The following EML4 variants were observed in gnomAD, a reference collection of about 807,000 sequenced individuals.
The protein encoded by EML4 is EMAP like 4, also known as echinoderm microtubule-associated protein-like 4.
EML4 carries 72 observed loss-of-function variants against 129.0 expected under a neutral mutation model. The observed-to-expected ratio is 0.56, with a 90% CI of 0.46 to 0.68. The LOEUF is 0.68. Among genes scored for constraint, EML4 ranks in the 30% least tolerant of loss-of-function variants. The probability of loss-of-function intolerance (pLI) is 0.00; values close to 1 mark genes in which losing one functional copy is unlikely to be tolerated. For missense variants in EML4, 1,363 were observed against 1,190.6 expected, an observed-to-expected ratio of 1.14 and a Z score of -2.13; for synonymous variants, 532 against 405.0, an observed-to-expected ratio of 1.31 and a Z score of -3.77.
chr2:42,273,427 C>A (rs1269427500), intron 6 of EML4, among the ~76,000 whole-genome samples: 3 of 152,064 alleles, frequency 2.0e-5, no homozygotes, highest in African/African-American at 7.2e-5. Context: ...AACAAAACAT[C>A]AAGAGAAATC....
intron 13 of EML4, among the ~76,000 whole-genome samples, chr2:42,296,265 G>A (rs921949728): frequency 2.8e-4 from 42 of 152,242 alleles, no homozygotes; most frequent in Admixed American, 2.6e-3. Flanking sequence ...GGAGAAGAGA[G>A]AGATTCTTAG....
intron 1 of EML4, among the ~76,000 whole-genome samples, chr2:42,200,313 A>G (rs1672150489): frequency 6.6e-6 from 1 of 152,168 alleles, no homozygotes; most frequent in Admixed American, 6.5e-5. Flanking sequence ...CGACAGAACA[A>G]GACTACGCCT....
chr2:42,195,329 G>A (rs1671835776), intron 1 of EML4, among the ~76,000 whole-genome samples: 1 of 152,060 alleles, frequency 6.6e-6, no homozygotes. Flanking sequence ...TACATTTTAA[G>A]GATACGGTAT....
rs115182685 is a variant in EML4 at position 42,310,179 on chromosome 2, C to G, written c.1967+5628C>G. Among the ~76,000 whole-genome samples the G allele has an allele frequency of 9.3e-3, 1,412 of 152,260 alleles. 24 individuals carry two copies. The highest frequency in any genetic ancestry group is 0.032 in the African/African-American group (1,312 of 41,544). The stretch of plus-strand genomic sequence containing the variant: ...TTTTCTCTGGACTTTGAATTCTGTT[C>G]CATAAATATGTATATATATCTGTGC... On this transcript the variant is annotated intron_variant, in intron 17 of 22. Coordinates refer to ENST00000318522, the MANE Select transcript of EML4 (RefSeq NM_019063.5).
chr2:42,301,134 A>G (rs1427728808), intron 13 of EML4, 107 bp from the exon 14 acceptor site: 7 of 942,270 alleles, frequency 7.4e-6, no homozygotes, highest in Non-Finnish European at 1.1e-5. Flanking sequence ...GAGTCATATG[A>G]ACTTTCTGAT....
chr2:42,268,018 A>G (rs1378026455), intron 6 of EML4, among the ~76,000 whole-genome samples: 3 of 152,220 alleles, frequency 2.0e-5, no homozygotes, highest in African/African-American at 7.2e-5. Flanking sequence ...ACCATGTATA[A>G]AATTGCTTAT....
chr2:42,198,173 G>C (rs1572525700), intron 1 of EML4, among the ~76,000 whole-genome samples: 1 of 152,144 alleles, frequency 6.6e-6, no homozygotes, highest in East Asian at 1.9e-4. Context: ...GCTCCTACCA[G>C]AACTTCTTAA....
intron 6 of EML4, among the ~76,000 whole-genome samples, chr2:42,279,461 CTTT>C (rs752973076): frequency 7.0e-6 from 1 of 142,392 alleles, no homozygotes; most frequent in Non-Finnish European, 1.5e-5. Context: ...CACTTGCCGT[CTTT>C]TTTTTTTTTT....
chr2:42,295,409 G>A lies in EML4; in HGVS notation c.1382G>A (p.Cys461Tyr). ...TATGAAAAGCCAAAATTTGTGCAGTGTTTAGCATTCTTGGGGAATGGAGAT... is the reference window on the plus strand; with the variant it reads ...TATGAAAAGCCAAAATTTGTGCAGTATTTAGCATTCTTGGGGAATGGAGAT... ...GKYEKPKFVQ[C>Y]LAFLGNGDVL... is the part of the protein sequence containing the mutation. Residue 461 changes from cysteine (C) to tyrosine (Y), a missense_variant, in exon 13 of 23, where the codon TGT becomes TAT. By Grantham distance (194) the Cys-to-Tyr change is radical. Transcript: ENST00000318522. 3.7e-6 allele frequency: 6 copies of A among 1,613,980 alleles called. No individual in the cohort carries two copies. The highest frequency in any genetic ancestry group is 5.1e-6 in the Non-Finnish European group (6 of 1,179,948).
intron 1 of EML4, chr2:42,208,196 G>A (rs1290928779): frequency 1.3e-5 from 2 of 152,074 alleles, no homozygotes; most frequent in African/African-American, 4.8e-5. Context: ...AAGGACAGTG[G>A]CCATAAGGTG....
intron 6 of EML4, among the ~76,000 whole-genome samples, chr2:42,270,986 C>T (rs1327108664): frequency 6.6e-6 from 1 of 152,164 alleles, no homozygotes. Context: ...GCCTTGACCT[C>T]CCGGGCTCAG....
chr2:42,230,156 T>G (rs774782521), intron 1 of EML4, among the ~76,000 whole-genome samples: 19 of 152,190 alleles, frequency 1.2e-4, no homozygotes, highest in Non-Finnish European at 2.2e-4. Context: ...TTTTATCCTG[T>G]CTTTGCTGCT....
At chr2:42,190,849 A>C (rs1377445448) in intron 1 of EML4, among the ~76,000 whole-genome samples, 2 of 152,222 alleles carry the variant, frequency 1.3e-5, no homozygotes, top group Non-Finnish European at 2.9e-5. Context: ...TGAAATTTGA[A>C]CTTAAGGTAA....
At chr2:42,213,056 A>G (rs1195004202) in intron 1 of EML4, among the ~76,000 whole-genome samples, 1 of 152,236 alleles carries the variant, frequency 6.6e-6, no homozygotes, top group Non-Finnish European at 1.5e-5. Flanking sequence ...AGTATCAATA[A>G]TGAAATATTG....
chr2:42,215,815 C>A (rs1673150725), intron 1 of EML4, among the ~76,000 whole-genome samples: 2 of 152,180 alleles, frequency 1.3e-5, no homozygotes, highest in Non-Finnish European at 2.9e-5. Flanking sequence ...ACTTTTAAAT[C>A]TGCCTTATCG....
intron 1 of EML4, among the ~76,000 whole-genome samples, chr2:42,198,993 G>C (rs1352248246): frequency 2.0e-5 from 3 of 152,232 alleles, no homozygotes; most frequent in African/African-American, 7.2e-5. Context: ...ATTGCAGTGA[G>C]AGTGGTTGAA....
intron 1 of EML4, among the ~76,000 whole-genome samples, chr2:42,241,318 G>A (rs904558058): frequency 6.6e-6 from 1 of 152,182 alleles, no homozygotes; most frequent in Non-Finnish European, 1.5e-5. Context: ...GAGGAACTCT[G>A]GTGATAACTA....
intron 21 of EML4, among the ~76,000 whole-genome samples, chr2:42,328,108 A>C (rs911220825): frequency 1.3e-5 from 2 of 152,212 alleles, no homozygotes; most frequent in African/African-American, 4.8e-5. Context: ...TGAAGACATT[A>C]TTTATTTAAA....
intron 11 of EML4, among the ~76,000 whole-genome samples, chr2:42,291,398 CTTTTTTTTTTTTT>C (rs5830720): frequency 8.1e-6 from 1 of 123,142 alleles, no homozygotes; most frequent in Non-Finnish European, 1.7e-5. Flanking sequence ...ATCAAGACAC[CTTTTTTTTTTTTT>C]TTTTTTTTTG....
Sources: allele counts gnomAD v4.1 joint callset (sites outside exome capture counted in the v4.1 genomes callset), GRCh38; gene constraint gnomAD v4.1.1; transcripts MANE v1.5; gene names NCBI Gene and HGNC (gene_info 2026-07-23, HGNC 2026-07-21).